HUNK: variants seen among roughly 807,000 people sequenced by gnomAD.
HUNK encodes hormonally up-regulated Neu-associated kinase.
HUNK carries 21 observed loss-of-function variants against 61.0 expected under a neutral mutation model. That is an observed-to-expected ratio of 0.34 (90% CI 0.24 to 0.50). The LOEUF (loss-of-function observed/expected upper bound fraction) is 0.50, where lower values mean the gene tolerates loss of function less well. Among genes scored for constraint, HUNK ranks in the 20% least tolerant of loss-of-function variants. The pLI, the probability that HUNK is intolerant of heterozygous loss-of-function variation, is 0.98. For missense variants in HUNK, 772 were observed against 945.7 expected (o/e 0.82, Z 2.41); for synonymous variants, 371 against 386.1 (o/e 0.96, Z 0.46).
chr21:31,957,226 A>G (rs1467020861), intron 4 of HUNK, among the ~76,000 whole-genome samples: 1 of 152,120 alleles, frequency 6.6e-6, no homozygotes, highest in African/African-American at 2.4e-5. Context: ...TCCCCACTCA[A>G]AACCCAAGAG....
intron 4 of HUNK, among the ~76,000 whole-genome samples, chr21:31,955,633 G>A (rs551045969): frequency 1.3e-5 from 2 of 152,348 alleles, no homozygotes; most frequent in Non-Finnish European, 2.9e-5. Flanking sequence ...GAAATTGGGT[G>A]TGTGTGGTGG....
chr21:31,962,379 A>G (rs1039616363), intron 5 of HUNK, among the ~76,000 whole-genome samples: 4 of 152,210 alleles, frequency 2.6e-5, no homozygotes, highest in African/African-American at 7.2e-5. Context: ...ACTTTCAATA[A>G]CATCACGCAG....
intron 5 of HUNK, among the ~76,000 whole-genome samples, chr21:31,965,289 G>T (rs1335644644): frequency 6.6e-6 from 1 of 151,076 alleles, no homozygotes; most frequent in South Asian, 2.1e-4. Flanking sequence ...AGACACTGGG[G>T]CCCACTTGAG....
intron 6 of HUNK, chr21:31,974,288 A>C: frequency 3.5e-6 from 1 of 282,658 alleles, no homozygotes; most frequent in Non-Finnish European, 6.5e-6. Context: ...TAAGGGGTAA[A>C]ATGTCATGAT....
intron 1 of HUNK, among the ~76,000 whole-genome samples, chr21:31,917,819 C>T (rs183990569): frequency 1.3e-5 from 2 of 151,376 alleles, no homozygotes; most frequent in East Asian, 2.0e-4. Flanking sequence ...TTAAGTGAAT[C>T]GGGGAACCTG....
intron 7 of HUNK, among the ~76,000 whole-genome samples, chr21:31,982,235 A>G (rs2053102730): frequency 6.6e-6 from 1 of 152,164 alleles, no homozygotes; most frequent in Admixed American, 6.5e-5. Context: ...ACCAGTTGTG[A>G]GTTTTATGAT....
At position 31,956,440 on chromosome 21, in the gene HUNK, C is replaced by G. The variant is rs144281562; in HGVS notation, c.747-2403C>G. Among the ~76,000 whole-genome samples, 316 of 152,236 alleles carry G rather than the reference C, an allele frequency of 2.1e-3. 4 individuals are homozygous for G. The highest frequency in any genetic ancestry group is 7.3e-3 in the African/African-American group (302 of 41,546). On this transcript the variant is annotated intron_variant, in intron 4 of 10. Transcript: ENST00000270112. ...ATGCAAAACTCTACAATTTTGGGAC[C>G]CTTTTAGCATTCCTTCTTACCGATC...
intron 1 of HUNK, among the ~76,000 whole-genome samples, chr21:31,916,679 CTT>C (rs753394202): frequency 7.0e-6 from 1 of 143,448 alleles, no homozygotes; most frequent in Non-Finnish European, 1.5e-5. Flanking sequence ...CTCTCTCTTT[CTT>C]TTTTTTTTTT....
intron 8 of HUNK, among the ~76,000 whole-genome samples, chr21:31,984,263 A>G (rs866289241): frequency 6.6e-6 from 1 of 152,200 alleles, no homozygotes; most frequent in Non-Finnish European, 1.5e-5. Flanking sequence ...GAAATGATAA[A>G]TATTTGAGGT....
intron 1 of HUNK, among the ~76,000 whole-genome samples, chr21:31,893,858 G>C (rs1327651465): frequency 6.6e-6 from 1 of 152,144 alleles, no homozygotes; most frequent in Non-Finnish European, 1.5e-5. Flanking sequence ...GTAGTTGTAG[G>C]GATAGCTTAA....
intron 4 of HUNK, among the ~76,000 whole-genome samples, chr21:31,955,483 C>T (rs1487314478): frequency 4.0e-5 from 6 of 151,134 alleles, no homozygotes; most frequent in Non-Finnish European, 8.8e-5. Flanking sequence ...CCCAGCTACT[C>T]GGGAGGCTGA....
chr21:31,981,163 G>A (rs547748368), intron 7 of HUNK, among the ~76,000 whole-genome samples: 4 of 152,304 alleles, frequency 2.6e-5, no homozygotes, highest in Non-Finnish European at 5.9e-5. Context: ...GTAATTGACC[G>A]TAAGTGCATG....
intron 6 of HUNK, among the ~76,000 whole-genome samples, chr21:31,970,065 A>C (rs2052999573): frequency 6.6e-6 from 1 of 152,134 alleles, no homozygotes; most frequent in Non-Finnish European, 1.5e-5. Context: ...GGATGAAGAC[A>C]AGAGAACCAC....
chr21:31,978,775 T>A (rs865993030), intron 7 of HUNK, among the ~76,000 whole-genome samples: 10 of 152,316 alleles, frequency 6.6e-5, no homozygotes, highest in Middle Eastern at 3.4e-3. Flanking sequence ...TAAATAATGC[T>A]GCATTGAACA....
chr21:31,955,799 G>A (rs1393620357), intron 4 of HUNK, among the ~76,000 whole-genome samples: 2 of 152,212 alleles, frequency 1.3e-5, no homozygotes, highest in African/African-American at 4.8e-5. Flanking sequence ...AATGAGTTAG[G>A]CATTATGAAG....
chr21:31,975,215 G>A (rs2053040368), intron 7 of HUNK, among the ~76,000 whole-genome samples: 1 of 152,186 alleles, frequency 6.6e-6, no homozygotes, highest in Admixed American at 6.5e-5. Flanking sequence ...CCTTCCCTCA[G>A]TCTGAGTGTC....
intron 1 of HUNK, among the ~76,000 whole-genome samples, chr21:31,911,421 G>A (rs12483009): frequency 0.18 from 27,504 of 152,086 alleles, 2,816 homozygotes; most frequent in South Asian, 0.24. Flanking sequence ...AGAGGTTGAG[G>A]GAGTGCTATG....
chr21:31,976,459 C>CTTTTTTTTTT (rs34950116), intron 7 of HUNK, among the ~76,000 whole-genome samples: 6 of 63,610 alleles, frequency 9.4e-5, no homozygotes, highest in African/African-American at 1.9e-4. Flanking sequence ...TTTTTTGAGA[C>CTTTTTTTTTT]TTTTTTTTTT....
intron 1 of HUNK, among the ~76,000 whole-genome samples, chr21:31,903,040 C>T (rs1450906273): frequency 6.6e-6 from 1 of 151,344 alleles, no homozygotes; most frequent in Non-Finnish European, 1.5e-5. Flanking sequence ...GAATTTGCAA[C>T]CAATAAATCT....
Sources: allele counts gnomAD v4.1 joint callset (sites outside exome capture counted in the v4.1 genomes callset), GRCh38; gene constraint gnomAD v4.1.1; transcripts MANE v1.5; gene names NCBI Gene and HGNC (gene_info 2026-07-23, HGNC 2026-07-21).